CHD4: variants seen among roughly 807,000 people sequenced by gnomAD.
The protein encoded by CHD4 is ATP-dependent chromatin remodeler CHD4.
In CHD4, 35 loss-of-function variants were observed where a neutral mutation model predicts 235.5. That is an observed-to-expected ratio of 0.15 (90% CI 0.11 to 0.20). CHD4 has a LOEUF of 0.20. Among genes scored for constraint, CHD4 ranks in the 10% least tolerant of loss-of-function variants. The pLI, the probability that CHD4 is intolerant of heterozygous loss-of-function variation, is 1.00. For synonymous variants in CHD4, 900 were observed against 850.2 expected, an observed-to-expected ratio of 1.06 and a Z score of -1.02; for missense variants, 1,329 against 2,432.3, an observed-to-expected ratio of 0.55 and a Z score of 9.54.
intron 37 of CHD4, among the ~76,000 whole-genome samples, chr12:6,574,625 A>AC (rs1267289104): frequency 2.0e-5 from 3 of 152,310 alleles, no homozygotes; most frequent in African/African-American, 7.2e-5. Context: ...TCAAACATGT[A>AC]CCTTCAGCAC....
At position 6,595,285 on chromosome 12, in the gene CHD4, G is replaced by A. The variant is rs115587740; in HGVS notation, c.2121+49C>T. On this transcript the variant is annotated intron_variant, in intron 14 of 39. Coordinates refer to ENST00000544040, the MANE Select transcript of CHD4 (RefSeq NM_001273.5). Reference sequence around the variant, plus strand: ...AGTACCATCATTAGACTGCAGCAAAGATACATTGTCCTACCCAACAAACTA... The same window carrying A: ...AGTACCATCATTAGACTGCAGCAAAAATACATTGTCCTACCCAACAAACTA... The A allele has an allele frequency of 1.8e-4, 263 of 1,453,790 alleles. No individual in the cohort carries two copies. The African/African-American group carries it at 2.6e-3, about 14-fold the overall frequency. The allele number at this position is 1,453,790 out of a possible 1,614,324, so 90.1% of individuals were successfully genotyped here. A position where few individuals can be genotyped will look rare whatever the true frequency, so the allele number is the denominator to read the frequency against.
intron 6 of CHD4, 48 bp from the exon 7 acceptor site, chr12:6,601,101 G>A (rs766228217): frequency 1.6e-5 from 25 of 1,525,922 alleles, no homozygotes; most frequent in Non-Finnish European, 2.0e-5. Context: ...CAAAGATGGG[G>A]AAAATAAAAT....
chr12:6,588,971 G>C (rs368306542), intron 22 of CHD4, among the ~76,000 whole-genome samples: 20 of 152,190 alleles, frequency 1.3e-4, no homozygotes, highest in South Asian at 1.0e-3. Flanking sequence ...GAATAGGCCA[G>C]GTGCAGTGAC....
In CHD4 at chr12:6,588,406, C is replaced by T; in HGVS notation, c.3357G>A (p.Gln1119=). The T allele has an allele frequency of 1.2e-6, 2 of 1,614,116 alleles. No individual in the cohort carries two copies. The highest frequency in any genetic ancestry group is 1.7e-6 in the Non-Finnish European group (2 of 1,180,006). ...IDRFNAPGAQ[Q]FCFLLSTRAG... ...CTCGAGTGGAAAGCAAGAAGCAGAA[C>T]TGCTGAGCACCCGGTGCTAATAAAA... is the stretch of plus-strand genomic sequence containing the variant. Residue 1119 remains glutamine, a synonymous_variant, in exon 23 of 40, where the codon CAG becomes CAA. Transcript: ENST00000544040.
chr12:6,573,327 T>G, intron 37 of CHD4, 58 bp from the exon 38 acceptor site: 1 of 1,405,020 alleles, frequency 7.1e-7, no homozygotes, highest in East Asian at 2.6e-5. Context: ...TACTCACTTC[T>G]GACTGGCCTC....
chr12:6,595,655 G>GC (rs1315231758), intron 13 of CHD4, among the ~76,000 whole-genome samples: 1 of 152,024 alleles, frequency 6.6e-6, no homozygotes, highest in Non-Finnish European at 1.5e-5. Context: ...GGGCATGGTG[G>GC]CAGACGCCTG....
At chr12:6,592,117 C>T (rs1948410917) in intron 19 of CHD4, 60 bp from the exon 20 acceptor site, 6 of 1,589,920 alleles carry the variant, frequency 3.8e-6, no homozygotes, top group Admixed American at 1.7e-5. Context: ...ACTAATAATG[C>T]AGTGCCAACA....
Position 6,596,062 on chromosome 12 carries a change from A to G in CHD4, c.1968T>C (p.Ser656=). The change falls in exon 13 of 40, where the codon AGT becomes AGC. Residue 656 remains serine, a synonymous_variant. Coordinates refer to ENST00000544040, the MANE Select transcript of CHD4 (RefSeq NM_001273.5). ...DLPYDQASWE[S]EDVEIQDYDL... ...CGTAATCCTGGATCTCCACATCCTC[A>G]CTCTCCCAAGAAGCCTGATCGTAAG... is the stretch of plus-strand genomic sequence containing the variant. The G allele has an allele frequency of 6.2e-7, 1 of 1,613,534 alleles. No individual in the cohort carries two copies. The highest frequency in any genetic ancestry group is 8.5e-7 in the Non-Finnish European group (1 of 1,179,898).
In CHD4 at chr12:6,582,114, A is replaced by C. The variant is rs369442467; in HGVS notation, c.4515+23T>G. The stretch of plus-strand genomic sequence containing the variant: ...CACTGCGCCTGGCCCCCTAGAAACA[A>C]TGGCAAGAGGCTCAGGGCTCACCTT... On this transcript the variant is annotated intron_variant, in intron 30 of 39. Transcript: ENST00000544040. 7.9e-6 allele frequency: 12 copies of C among 1,528,272 alleles called. No individual in the cohort carries two copies. In the African/African-American group the frequency reaches 1.7e-4, roughly 21 times the overall value. 94.7% of individuals were successfully genotyped at this position (1,528,272 alleles called of 1,614,324 possible). A position where few individuals can be genotyped will look rare whatever the true frequency, so the allele number is the denominator to read the frequency against.
intron 25 of CHD4, among the ~76,000 whole-genome samples, chr12:6,585,674 A>G (rs1948275931): frequency 6.6e-6 from 1 of 151,070 alleles, no homozygotes; most frequent in South Asian, 2.1e-4. Context: ...CTGTAGTCCC[A>G]GCTATTCGGG....
At position 6,593,717 on chromosome 12, in the gene CHD4, T is replaced by TG. The variant is rs1456801470; in HGVS notation, c.2314-102dup. 7 of 1,011,030 alleles carry TG rather than the reference T, an allele frequency of 6.9e-6. No individual in the cohort carries two copies. Among genetic ancestry groups the TG allele is most frequent in the Non-Finnish European group, 8.9e-6 (6 of 672,874 alleles). The allele number at this position is 1,011,030 out of a possible 1,614,324, so 62.6% of individuals were successfully genotyped here. A position where few individuals can be genotyped will look rare whatever the true frequency, so the allele number is the denominator to read the frequency against. On this transcript the variant is annotated intron_variant, in intron 15 of 39. Coordinates refer to ENST00000544040, the MANE Select transcript of CHD4 (RefSeq NM_001273.5). This position sits in a 1 kb window ranked among gnomAD's most constrained non-coding sequence, Gnocchi z 4.9. ...TGCCCCCTCAAGCTGAGCCAAGGAC[T>TG]GACACACCTGCGCTGCTGCTCCTGC...
intron 22 of CHD4, 78 bp downstream of exon 22, chr12:6,591,388 G>A: frequency 9.1e-7 from 1 of 1,096,608 alleles, no homozygotes; most frequent in East Asian, 2.4e-5. Context: ...ACACAGAAAA[G>A]GAGATGCACA....
intron 25 of CHD4, 61 bp downstream of exon 25, chr12:6,587,323 G>A (rs1948317273): frequency 6.4e-7 from 1 of 1,552,356 alleles, no homozygotes; most frequent in Non-Finnish European, 8.8e-7. Flanking sequence ...TACCACCTTG[G>A]TCTCAATGCC....
Position 6,606,345 on chromosome 12 carries a change from G to T in CHD4, c.29C>A (p.Pro10His). Residue 10 changes from proline to histidine, a missense_variant, in exon 2 of 40, where the codon CCC (proline) becomes CAC (histidine). Physicochemically the swap from Pro to His is moderately conservative, Grantham distance 77. Around this residue, in one of 26 missense-constraint regions of CHD4, gnomAD observed 213 missense variants for 177.5 expected, o/e 1.20. Coordinates refer to ENST00000544040, the MANE Select transcript of CHD4 (RefSeq NM_001273.5). The part of the protein sequence containing the change: MASGLGSPS[P>H]CSAGSEEEDM... The stretch of plus-strand genomic sequence containing the variant: ...CTCCTCCTCACTGCCCGCCGAGCAG[G>T]GGGACGGGGAGCCCAGGCCCGACGC... The T allele has an allele frequency of 2.5e-6, 4 of 1,572,014 alleles. No individual in the cohort carries two copies. The highest frequency in any genetic ancestry group is 2.6e-6 in the Non-Finnish European group (3 of 1,162,242).
chr12:6,600,712 G>A, intron 7 of CHD4, 43 bp from the exon 8 acceptor site: 1 of 1,608,560 alleles, frequency 6.2e-7, no homozygotes, highest in Non-Finnish European at 8.5e-7. Flanking sequence ...TCAAGCCAAG[G>A]GGAAGGACAG....
At chr12:6,574,054 ATT>A (rs1273763444) in intron 37 of CHD4, among the ~76,000 whole-genome samples, 3 of 152,072 alleles carry the variant, frequency 2.0e-5, no homozygotes, top group Non-Finnish European at 2.9e-5. Flanking sequence ...ATTTAAAAAT[ATT>A]TTTGTTTTTT....
At chr12:6,604,957 GCAC>G (rs904209354) in intron 2 of CHD4, among the ~76,000 whole-genome samples, 5 of 152,068 alleles carry the variant, frequency 3.3e-5, no homozygotes, top group African/African-American at 1.2e-4. Flanking sequence ...CCCCTTACCA[GCAC>G]CACAACTCCG....
At chr12:6,571,167 C>T (rs1408088475) in intron 38 of CHD4, 135 bp from the exon 39 acceptor site, 2 of 1,035,218 alleles carry the variant, frequency 1.9e-6, no homozygotes, top group African/African-American at 1.6e-5. Context: ...CTGACCTGAC[C>T]TCCACCATGT....
At chr12:6,572,442 AAG>A (rs1256845503) in intron 38 of CHD4, among the ~76,000 whole-genome samples, 3 of 151,538 alleles carry the variant, frequency 2.0e-5, no homozygotes, top group Non-Finnish European at 4.4e-5. Context: ...AAAAAAAAAA[AAG>A]AGGTGGCCAG....
Sources: allele counts gnomAD v4.1 joint callset (sites outside exome capture counted in the v4.1 genomes callset), GRCh38; gene constraint gnomAD v4.1.1; regional missense constraint gnomAD v4.1.1; non-coding constraint Gnocchi (gnomAD v3.1); transcripts MANE v1.5; gene names NCBI Gene and HGNC (gene_info 2026-07-23, HGNC 2026-07-21).